The following STXBP5 variants were observed in gnomAD, a reference collection of about 807,000 sequenced individuals.
The protein encoded by STXBP5 is syntaxin binding protein 5, also known as syntaxin-binding protein 5.
A neutral mutation model predicts 152.4 loss-of-function variants in STXBP5; 50 were observed. The ratio of observed to expected loss-of-function variants is 0.33; its 90% CI spans 0.26 to 0.42. STXBP5 has a LOEUF of 0.42. Ranked by LOEUF, STXBP5 falls within the 10% of genes least tolerant of loss-of-function variation. The pLI, the probability that STXBP5 is intolerant of heterozygous loss-of-function variation, is 1.00. For missense variants in STXBP5, 1,167 were observed against 1,388.6 expected, an observed-to-expected ratio of 0.84 and a Z score of 2.54; for synonymous variants, 492 against 494.7, an observed-to-expected ratio of 0.99 and a Z score of 0.07.
In STXBP5 at chr6:147,255,948, A is replaced by G. The variant is rs185109304; in HGVS notation, c.432-4667A>G. On this transcript the variant is annotated intron_variant, in intron 4 of 27. Coordinates refer to ENST00000321680, the MANE Select transcript of STXBP5 (RefSeq NM_001127715.4). ...TTTTGGACTGTAGACTATCATACAA[A>G]TTGCAGATTATTTCCTTGCTGTATT... Among the ~76,000 whole-genome samples, 12 of 152,344 alleles carry G rather than the reference A, an allele frequency of 7.9e-5. No individual in the cohort carries two copies. In the East Asian group the frequency reaches 1.9e-3, roughly 24 times the overall value.
chr6:147,241,534 C>T (rs1039311077), intron 4 of STXBP5, among the ~76,000 whole-genome samples: 5 of 152,064 alleles, frequency 3.3e-5, no homozygotes, highest in Non-Finnish European at 4.4e-5. Flanking sequence ...TGTTGCATAA[C>T]GATGTTACAC....
chr6:147,316,515 A>G lies in STXBP5; in HGVS notation c.1802+108A>G, dbSNP rs1782654425. The G allele has an allele frequency of 3.2e-5, 33 of 1,025,788 alleles. No homozygotes were observed. The South Asian group carries it at 7.2e-4, about 22-fold the overall frequency. 63.5% of individuals were successfully genotyped at this position (1,025,788 alleles called of 1,614,324 possible). On this transcript the variant is annotated intron_variant, in intron 16 of 27. Coordinates refer to ENST00000321680, the MANE Select transcript of STXBP5 (RefSeq NM_001127715.4). Reference sequence around the variant, plus strand: ...TTTTCTTTTGATATAGCAAAATGGCATAAGAATGGTTCTTCCTGTGTTTTG... The same window carrying G: ...TTTTCTTTTGATATAGCAAAATGGCGTAAGAATGGTTCTTCCTGTGTTTTG...
At chr6:147,241,679 C>T (rs1337398693) in intron 4 of STXBP5, among the ~76,000 whole-genome samples, 4 of 151,974 alleles carry the variant, frequency 2.6e-5, no homozygotes, top group Non-Finnish European at 5.9e-5. Flanking sequence ...GCTGTCATAA[C>T]ATCATAGCAT....
At chr6:147,209,153 A>G (rs187621313) in intron 2 of STXBP5, among the ~76,000 whole-genome samples, 32 of 152,264 alleles carry the variant, frequency 2.1e-4, no homozygotes, top group Admixed American at 2.6e-4. Flanking sequence ...AGGTCATTAT[A>G]TATATGAATA....
chr6:147,363,695 T>G lies in STXBP5; in HGVS notation c.2906T>G (p.Met969Arg), dbSNP rs1785167674. The G allele has an allele frequency of 6.2e-7, 1 of 1,609,166 alleles. No homozygotes were observed. Among genetic ancestry groups the G allele is most frequent in the Admixed American group, 1.7e-5 (1 of 59,420 alleles). Residue 969 changes from methionine (M) to arginine (R), a missense_variant, in exon 24 of 28, where the codon ATG becomes AGG. Coordinates refer to ENST00000321680, the MANE Select transcript of STXBP5 (RefSeq NM_001127715.4). The part of the protein sequence containing the change: ...LACFCANGHI[M>R]TFSLPSLRPL... ...TGTTTCTGTGCCAATGGACATATAA[T>G]GACTTTTAGGTAAGAGTTAGATATG...
At chr6:147,221,360 C>T (rs926656905) in intron 2 of STXBP5, among the ~76,000 whole-genome samples, 26 of 151,902 alleles carry the variant, frequency 1.7e-4, no homozygotes, top group Admixed American at 1.1e-3. Flanking sequence ...ATTTTTGCCT[C>T]TATTTCTCTG....
intron 7 of STXBP5, among the ~76,000 whole-genome samples, chr6:147,276,798 G>A (rs188252606): frequency 1.4e-3 from 219 of 152,132 alleles, no homozygotes; most frequent in African/African-American, 4.7e-3. Flanking sequence ...GATGGTCCCT[G>A]ACTTACAATA....
chr6:147,254,547 G>A (rs1359330806), intron 4 of STXBP5, among the ~76,000 whole-genome samples: 1 of 152,036 alleles, frequency 6.6e-6, no homozygotes, highest in Non-Finnish European at 1.5e-5. Context: ...CTATCCATCT[G>A]GCAAAAGGCT....
intron 19 of STXBP5, among the ~76,000 whole-genome samples, chr6:147,337,740 TA>T (rs1207120238): frequency 6.6e-6 from 1 of 152,084 alleles, no homozygotes; most frequent in Non-Finnish European, 1.5e-5. Context: ...AGAATTACAT[TA>T]AAAACAACTA....
chr6:147,352,620 AAAG>A (rs547755531), intron 21 of STXBP5, among the ~76,000 whole-genome samples: 290 of 152,296 alleles, frequency 1.9e-3, no homozygotes, highest in African/African-American at 6.4e-3. Context: ...AATTTAAAAA[AAAG>A]AAGAATGAAC....
intron 2 of STXBP5, among the ~76,000 whole-genome samples, chr6:147,214,024 T>C (rs530898328): frequency 4.6e-5 from 7 of 152,292 alleles, no homozygotes; most frequent in African/African-American, 1.7e-4. Flanking sequence ...CAAAAGGTAC[T>C]TGATACATTT....
chr6:147,364,632 T>G (rs1464810446), intron 25 of STXBP5, among the ~76,000 whole-genome samples: 3 of 152,202 alleles, frequency 2.0e-5, no homozygotes, highest in African/African-American at 7.2e-5. Flanking sequence ...GTTGATCTGT[T>G]TTTGAGAGAC....
At position 147,387,502 on chromosome 6, in the gene STXBP5, A is replaced by C. The variant is rs147733583; in HGVS notation, c.*2747A>C. The C allele has an allele frequency of 6.6e-6, 1 of 151,910 alleles. No homozygotes were observed. The highest frequency in any genetic ancestry group is 1.9e-4 in the East Asian group (1 of 5,154). The allele number at this position is 151,910 out of a possible 1,614,324, so 9.4% of individuals were successfully genotyped here. On this transcript the variant is annotated 3_prime_UTR_variant, in exon 28 of 28. Transcript: ENST00000321680. ...ATATATCCAGTTCATTTCAGTTTTC[A>C]AACTAAAATCCATATGTATTTGCTG...
chr6:147,379,516 A>T (rs756146543), intron 26 of STXBP5, among the ~76,000 whole-genome samples: 160 of 152,306 alleles, frequency 1.1e-3, no homozygotes, highest in Non-Finnish European at 9.9e-4. Context: ...ATGTATATAT[A>T]CACATATACA....
At chr6:147,285,143 T>C (rs1019834420) in intron 8 of STXBP5, among the ~76,000 whole-genome samples, 2 of 152,080 alleles carry the variant, frequency 1.3e-5, no homozygotes, top group Non-Finnish European at 2.9e-5. Flanking sequence ...GGCATGGAAG[T>C]TTATGTGAGT....
At chr6:147,329,849 G>A (rs1201603519) in intron 18 of STXBP5, among the ~76,000 whole-genome samples, 3 of 151,686 alleles carry the variant, frequency 2.0e-5, no homozygotes, top group Admixed American at 6.6e-5. Flanking sequence ...GGATGGTCTC[G>A]ATCTCCTGAC....
intron 8 of STXBP5, among the ~76,000 whole-genome samples, chr6:147,289,755 A>G (rs1781183257): frequency 6.6e-6 from 1 of 152,024 alleles, no homozygotes; most frequent in Non-Finnish European, 1.5e-5. Flanking sequence ...AAACATTGCT[A>G]GGGGAGGATA....
chr6:147,313,701 G>A lies in STXBP5; in HGVS notation c.1146-183G>A, dbSNP rs533807054. 2.0e-4 allele frequency among the ~76,000 whole-genome samples: 31 copies of A among 152,156 alleles called. No homozygotes were observed. In the South Asian group the frequency reaches 6.4e-3, roughly 32 times the overall value. On this transcript the variant is annotated intron_variant, in intron 11 of 27. Transcript: ENST00000321680. ...ATGTAGTTGCAACTAGAGCCTTTCT[G>A]TTTACTATTCTAATTGAGCAATTTT... is the stretch of plus-strand genomic sequence containing the variant.
chr6:147,371,816 T>C (rs1191311176), intron 25 of STXBP5, among the ~76,000 whole-genome samples: 1 of 152,180 alleles, frequency 6.6e-6, no homozygotes, highest in Non-Finnish European at 1.5e-5. Flanking sequence ...AGCATACCTT[T>C]AAACTATCGC....
Sources: allele counts gnomAD v4.1 joint callset (sites outside exome capture counted in the v4.1 genomes callset), GRCh38; gene constraint gnomAD v4.1.1; transcripts MANE v1.5; gene names NCBI Gene and HGNC (gene_info 2026-07-23, HGNC 2026-07-21).